Variants in ATP7A observed in about 807,000 individuals in gnomAD.
The protein encoded by ATP7A is copper-transporting ATPase 1.
A neutral mutation model predicts 83.5 loss-of-function variants in ATP7A; 7 were observed. That is an observed-to-expected ratio of 0.08 (90% CI 0.05 to 0.16). ATP7A has a LOEUF of 0.16. Among genes scored for constraint, ATP7A ranks in the 10% least tolerant of loss-of-function variants. The probability of loss-of-function intolerance (pLI) is 1.00; values close to 1 mark genes in which losing one functional copy is unlikely to be tolerated. For synonymous variants in ATP7A, 354 were observed against 395.2 expected, an observed-to-expected ratio of 0.90 and a Z score of 1.24; for missense variants, 940 against 1,120.8, an observed-to-expected ratio of 0.84 and a Z score of 2.30.
rs2077768438 is a variant in ATP7A, at chrX:78,005,619, G to A, written c.1707+2383G>A. ...AATCACTTGAACCCGGGAGGTGGAG[G>A]TTGTAGTGAGCCAAGATCACGCCAT... On this transcript the variant is annotated intron_variant, in intron 6 of 22. Coordinates refer to ENST00000341514, the MANE Select transcript of ATP7A (RefSeq NM_000052.7). Among the ~76,000 whole-genome samples the A allele has an allele frequency of 3.2e-5, 3 of 93,120 alleles. No individual in the cohort carries two copies. In the South Asian group the frequency reaches 1.8e-3, roughly 56 times the overall value. The allele number at this position is 93,120 out of a possible 115,157, so 80.9% of individuals were successfully genotyped here.
At chrX:77,915,699 T>C (rs2077181361) in intron 1 of ATP7A, among the ~76,000 whole-genome samples, 1 of 111,868 alleles carries the variant, frequency 8.9e-6, no homozygotes, top group Non-Finnish European at 1.9e-5. Context: ...AATCAATACT[T>C]GCAAGCAATA....
intron 1 of ATP7A, among the ~76,000 whole-genome samples, chrX:77,954,501 T>G (rs1228523021): frequency 1.8e-5 from 2 of 112,205 alleles, no homozygotes; most frequent in Non-Finnish European, 3.8e-5. Context: ...GTTTATATAA[T>G]ACTGGTTGTT....
At chrX:77,931,381 G>A (rs1301624712) in intron 1 of ATP7A, among the ~76,000 whole-genome samples, 7 of 111,477 alleles carry the variant, frequency 6.3e-5, no homozygotes, top group South Asian at 3.7e-4. Flanking sequence ...TTCTTAGTAC[G>A]GAACAAAATG....
chrX:78,030,835 G>A (rs898687086), intron 15 of ATP7A, among the ~76,000 whole-genome samples: 2 of 108,954 alleles, frequency 1.8e-5, no homozygotes, highest in Non-Finnish European at 3.8e-5. Flanking sequence ...GGGATTACAG[G>A]CATGCACCAC....
At chrX:78,011,112 A>G in intron 7 of ATP7A, 64 bp from the exon 8 acceptor site, 1 of 1,016,637 alleles carries the variant, frequency 9.8e-7, no homozygotes, top group South Asian at 1.9e-5. Context: ...ACCATGGCTT[A>G]GAATTTCTCT....
chrX:77,931,724 G>C (rs1322503693), intron 1 of ATP7A, among the ~76,000 whole-genome samples: 11 of 106,021 alleles, frequency 1.0e-4, no homozygotes, highest in Non-Finnish European at 1.8e-4. Flanking sequence ...CGGCTGGGCA[G>C]AGGCACCCCT....
intron 1 of ATP7A, among the ~76,000 whole-genome samples, chrX:77,950,583 A>G (rs1557226693): frequency 8.9e-6 from 1 of 111,870 alleles, no homozygotes. Context: ...TTTAATTTTT[A>G]ATTTTAGCTG....
intron 1 of ATP7A, among the ~76,000 whole-genome samples, chrX:77,929,911 T>A (rs2077262591): frequency 8.9e-6 from 1 of 112,467 alleles, no homozygotes; most frequent in African/African-American, 3.2e-5. Context: ...CCTGGCCATA[T>A]GTTTAGCTCT....
chrX:77,969,518 C>T (rs376675574), intron 1 of ATP7A: 13 of 1,209,410 alleles, frequency 1.1e-5, no homozygotes, highest in Non-Finnish European at 1.5e-5. Flanking sequence ...GCCTGCCCGC[C>T]GCGCTTCGCC....
At chrX:78,044,002 C>G (rs782445033) in intron 21 of ATP7A, among the ~76,000 whole-genome samples, 12 of 106,725 alleles carry the variant, frequency 1.1e-4, no homozygotes, top group Non-Finnish European at 1.9e-4. Flanking sequence ...CACCTGTAAT[C>G]CCAGCACTTT....
chrX:77,962,512 A>G (rs782666404), intron 1 of ATP7A: 1 of 257,459 alleles, frequency 3.9e-6, no homozygotes, highest in Non-Finnish European at 7.4e-6. Flanking sequence ...TTAAGACGCC[A>G]AGAACCTGGA....
At chrX:77,992,790 T>C (rs1179959157) in intron 4 of ATP7A, among the ~76,000 whole-genome samples, 2 of 111,321 alleles carry the variant, frequency 1.8e-5, no homozygotes, top group Admixed American at 9.5e-5. Flanking sequence ...TTTTTTGTAT[T>C]TTTAGTAGAG....
At chrX:78,024,779 A>G (rs782128955) in intron 14 of ATP7A, among the ~76,000 whole-genome samples, 2 of 111,424 alleles carry the variant, frequency 1.8e-5, no homozygotes, top group Non-Finnish European at 3.8e-5. Flanking sequence ...CAGGAGCCCT[A>G]TAACAAGGGC....
intron 20 of ATP7A, 101 bp from the exon 21 acceptor site, chrX:78,043,216 C>A (rs1291585775): frequency 8.0e-6 from 5 of 623,287 alleles, no homozygotes; most frequent in Non-Finnish European, 1.3e-5. Flanking sequence ...TCACATATTA[C>A]CCTAAGGTAG....
At chrX:77,939,001 A>G (rs1206507605) in intron 1 of ATP7A, among the ~76,000 whole-genome samples, 1 of 112,162 alleles carries the variant, frequency 8.9e-6, no homozygotes. Context: ...TTTAACTTAT[A>G]TCCACTTATT....
chrX:77,932,458 C>G (rs1250307906), intron 1 of ATP7A, among the ~76,000 whole-genome samples: 1 of 90,303 alleles, frequency 1.1e-5, no homozygotes, highest in African/African-American at 4.3e-5. Flanking sequence ...ACGTCCCAGA[C>G]GATGGGCGGC....
chrX:78,036,051 A>G (rs1403918546), intron 17 of ATP7A, among the ~76,000 whole-genome samples: 5 of 112,135 alleles, frequency 4.5e-5, no homozygotes, highest in African/African-American at 1.6e-4. Flanking sequence ...GACAGCTTTT[A>G]TTGAGCACCT....
At chrX:77,947,675 A>T (rs2077388048) in intron 1 of ATP7A, among the ~76,000 whole-genome samples, 1 of 106,006 alleles carries the variant, frequency 9.4e-6, no homozygotes, top group African/African-American at 3.5e-5. Flanking sequence ...TGACCTCGTG[A>T]TCTGTCCGCC....
intron 1 of ATP7A, among the ~76,000 whole-genome samples, chrX:77,927,330 C>T (rs1396429409): frequency 9.0e-6 from 1 of 111,474 alleles, no homozygotes; most frequent in Non-Finnish European, 1.9e-5. Flanking sequence ...TACACATTCT[C>T]ATGTGTATAT....
Sources: allele counts gnomAD v4.1 joint callset (sites outside exome capture counted in the v4.1 genomes callset), GRCh38; gene constraint gnomAD v4.1.1; transcripts MANE v1.5; gene names NCBI Gene and HGNC (gene_info 2026-07-23, HGNC 2026-07-21).